Variants in NEK11 observed in about 807,000 individuals in gnomAD.
NEK11 encodes the protein NIMA related kinase 11.
NEK11 carries 72 observed loss-of-function variants against 80.7 expected under a neutral mutation model. The ratio of observed to expected loss-of-function variants is 0.89; its 90% CI spans 0.74 to 1.08. The LOEUF is 1.08. Among genes scored for constraint, NEK11 ranks in the 50% least tolerant of loss-of-function variants. NEK11 has a pLI of 0.00. For missense variants in NEK11, 764 were observed against 763.6 expected (o/e 1.00, Z -0.01); for synonymous variants, 251 against 260.7 (o/e 0.96, Z 0.36).
intron 3 of NEK11, among the ~76,000 whole-genome samples, chr3:131,044,294 A>G (rs1285703660): frequency 6.6e-6 from 1 of 152,108 alleles, no homozygotes. Context: ...ATTAAAAGGC[A>G]CAGACTGGCA....
At chr3:131,262,167 C>A (rs2095937119) in intron 16 of NEK11, among the ~76,000 whole-genome samples, 1 of 152,002 alleles carries the variant, frequency 6.6e-6, no homozygotes, top group African/African-American at 2.4e-5. Context: ...ACCAACAAAT[C>A]AGATAAATTA....
chr3:131,150,412 A>ACACATGCACATGATG (rs1560649496), intron 7 of NEK11, among the ~76,000 whole-genome samples: 2 of 152,070 alleles, frequency 1.3e-5, no homozygotes, highest in East Asian at 3.9e-4. Context: ...TCATACACAC[A>ACACATGCACATGATG]CACATGCACA....
intron 14 of NEK11, among the ~76,000 whole-genome samples, chr3:131,214,584 T>G (rs1474758923): frequency 6.6e-6 from 1 of 152,160 alleles, no homozygotes; most frequent in Non-Finnish European, 1.5e-5. Flanking sequence ...CAGTTTTTCC[T>G]GAGGGAAAAT....
intron 14 of NEK11, among the ~76,000 whole-genome samples, chr3:131,199,933 G>A (rs184110532): frequency 1.3e-5 from 2 of 152,274 alleles, no homozygotes; most frequent in Admixed American, 1.3e-4. Context: ...TGAAGTCTCA[G>A]AGAGAAACAG....
intron 4 of NEK11, among the ~76,000 whole-genome samples, chr3:131,108,546 A>G (rs1304957462): frequency 6.6e-6 from 1 of 152,152 alleles, no homozygotes; most frequent in African/African-American, 2.4e-5. Flanking sequence ...AGGGTTCTCT[A>G]AGAAAATTTA....
chr3:131,282,101 T>C (rs1257239118), intron 17 of NEK11, among the ~76,000 whole-genome samples: 1 of 145,262 alleles, frequency 6.9e-6, no homozygotes, highest in Non-Finnish European at 1.5e-5. Context: ...AAAGCGATAC[T>C]TTTTTTTCTC....
intron 16 of NEK11, among the ~76,000 whole-genome samples, chr3:131,255,124 GAAA>G (rs1242378678): frequency 7.3e-5 from 11 of 150,116 alleles, no homozygotes; most frequent in African/African-American, 2.2e-4. Flanking sequence ...AAGAAAGAAA[GAAA>G]GAGAGAAAGA....
chr3:131,072,010 C>T (rs1370833046), intron 3 of NEK11, among the ~76,000 whole-genome samples: 1 of 152,194 alleles, frequency 6.6e-6, no homozygotes, highest in African/African-American at 2.4e-5. Context: ...TACTGTACTA[C>T]ATTCTCTACC....
intron 3 of NEK11, among the ~76,000 whole-genome samples, chr3:131,037,991 A>G (rs761907208): frequency 1.9e-4 from 29 of 152,146 alleles, no homozygotes; most frequent in Non-Finnish European, 3.5e-4. Context: ...AGTTATGAAA[A>G]CAATTTGGAA....
In NEK11 at chr3:131,228,632, C is replaced by T. The variant is rs370422392; in HGVS notation, c.1504C>T (p.Pro502Ser). Residue 502 changes from proline (P) to serine (S), a missense_variant, in exon 15 of 18, where the codon CCA (proline) becomes TCA (serine). Physicochemically the swap from Pro to Ser is moderately conservative, Grantham distance 74. Coordinates refer to ENST00000383366, the MANE Select transcript of NEK11 (RefSeq NM_024800.5). ...GGAAGAAGAAATAGCGTTAGAAAGA[C>T]CAGAGAAAGAAATCAGGAATGAGGG... ...EEEEEIALER[P>S]EKEIRNEGSQ... 6.2e-7 allele frequency: 1 copy of T among 1,613,454 alleles called. No individual in the cohort carries two copies. The highest frequency in any genetic ancestry group is 1.3e-5 in the African/African-American group (1 of 74,830).
chr3:131,204,615 T>C (rs1348102475), intron 14 of NEK11, among the ~76,000 whole-genome samples: 3 of 151,876 alleles, frequency 2.0e-5, no homozygotes, highest in Non-Finnish European at 2.9e-5. Flanking sequence ...GTCACAGGTG[T>C]CTTCTGTATT....
At chr3:131,347,808 A>G (rs1294523150) in intron 17 of NEK11, among the ~76,000 whole-genome samples, 1 of 151,906 alleles carries the variant, frequency 6.6e-6, no homozygotes, top group Non-Finnish European at 1.5e-5. Context: ...GCGTGGTGGC[A>G]GGCACCTGTA....
intron 17 of NEK11, among the ~76,000 whole-genome samples, chr3:131,340,167 T>G (rs1408067558): frequency 6.6e-6 from 1 of 152,224 alleles, no homozygotes. Context: ...TGGTGGCAGT[T>G]TTGTGGTTAT....
chr3:131,260,997 G>C (rs1254131148), intron 16 of NEK11, among the ~76,000 whole-genome samples: 1 of 152,076 alleles, frequency 6.6e-6, no homozygotes, highest in Non-Finnish European at 1.5e-5. Context: ...TAGCAGGGAG[G>C]GCAAACACAG....
At chr3:131,181,609 G>A (rs889975582) in intron 14 of NEK11, among the ~76,000 whole-genome samples, 13 of 152,070 alleles carry the variant, frequency 8.5e-5, no homozygotes, top group East Asian at 1.9e-4. Flanking sequence ...AGCAGGGTGT[G>A]GTGGCGGGCG....
At chr3:131,226,945 ATAT>A (rs969672122) in intron 14 of NEK11, among the ~76,000 whole-genome samples, 7 of 151,192 alleles carry the variant, frequency 4.6e-5, no homozygotes, top group African/African-American at 1.7e-4. Context: ...AAAATAATAT[ATAT>A]TATTTCAATA....
At chr3:131,303,124 T>C (rs977105690) in intron 17 of NEK11, among the ~76,000 whole-genome samples, 22 of 152,212 alleles carry the variant, frequency 1.4e-4, no homozygotes, top group African/African-American at 5.1e-4. Flanking sequence ...GTAAAAAGTC[T>C]GTTTGGTCTG....
Position 131,162,425 on chromosome 3 carries a change from T to C in NEK11, c.980T>C (p.Leu327Pro), listed in dbSNP as rs896870173. The C allele has an allele frequency of 6.2e-7, 1 of 1,613,880 alleles. No homozygotes were observed. Among genetic ancestry groups the C allele is most frequent in the Non-Finnish European group, 8.5e-7 (1 of 1,179,932 alleles). ...IINAMQKRIH[L>P]QTLRALSEVQ... is the part of the protein sequence containing the mutation. ...ATTTATAGGCAAAAAAGGATCCACC[T>C]GCAGACTCTGAGGGCACTGTCAGAA... Residue 327 changes from leucine (L) to proline (P), a missense_variant, in exon 11 of 18, where the codon CTG becomes CCG. Physicochemically the swap from Leu to Pro is moderately conservative, Grantham distance 98. Transcript: ENST00000383366.
At chr3:131,200,439 T>G (rs935314112) in intron 14 of NEK11, among the ~76,000 whole-genome samples, 5 of 152,198 alleles carry the variant, frequency 3.3e-5, no homozygotes, top group Admixed American at 6.5e-5. Flanking sequence ...CATCTTCTAA[T>G]AAAGATGCAT....
Sources: gnomAD v4.1 joint callset for allele counts (sites outside exome capture counted in the v4.1 genomes callset) on GRCh38, gnomAD v4.1.1 for gene constraint, MANE v1.5 for transcripts, NCBI Gene and HGNC (gene_info 2026-07-23, HGNC 2026-07-21) for gene names.